Variants in BNC2 observed in about 807,000 individuals in gnomAD.
BNC2 encodes zinc finger protein basonuclin-2.
Under a neutral mutation model 76.3 loss-of-function variants are expected in BNC2, and 20 were observed. The observed-to-expected ratio is 0.26, with a 90% CI of 0.18 to 0.38. BNC2 has a LOEUF of 0.38. Among genes scored for constraint, BNC2 ranks in the 10% least tolerant of loss-of-function variants. BNC2 has a pLI of 1.00. For synonymous variants in BNC2, 582 were observed against 514.8 expected (o/e 1.13, Z -1.77); for missense variants, 1,382 against 1,399.8 (o/e 0.99, Z 0.20).
chr9:16,520,289 C>T (rs376999552), intron 5 of BNC2, among the ~76,000 whole-genome samples: 12 of 152,154 alleles, frequency 7.9e-5, no homozygotes, highest in African/African-American at 2.7e-4. Flanking sequence ...AAGGAAACAT[C>T]GAAGGTCAGT....
chr9:16,840,455 A>C (rs1216265688), intron 1 of BNC2, among the ~76,000 whole-genome samples: 2 of 152,016 alleles, frequency 1.3e-5, no homozygotes, highest in Non-Finnish European at 2.9e-5. Flanking sequence ...TCAAAAGTTC[A>C]CTCTAAAGCT....
chr9:16,783,338 TA>T (rs1826203051), intron 1 of BNC2, among the ~76,000 whole-genome samples: 1 of 152,112 alleles, frequency 6.6e-6, no homozygotes, highest in Non-Finnish European at 1.5e-5. Flanking sequence ...AACATAAACC[TA>T]AAACCTCCTC....
chr9:16,453,152 A>T (rs949822823), intron 5 of BNC2, among the ~76,000 whole-genome samples: 2 of 152,204 alleles, frequency 1.3e-5, no homozygotes, highest in Admixed American at 1.3e-4. Context: ...CCTGAAAATG[A>T]GCCAAGTAGG....
intron 1 of BNC2, among the ~76,000 whole-genome samples, chr9:16,803,453 G>T (rs1468387886): frequency 2.0e-5 from 3 of 152,224 alleles, no homozygotes; most frequent in East Asian, 3.9e-4. Flanking sequence ...AGCCTTCAAG[G>T]AGGGAAGTGA....
chr9:16,727,437 G>T, intron 3 of BNC2: 1 of 223,232 alleles, frequency 4.5e-6, no homozygotes, highest in Non-Finnish European at 8.8e-6. Context: ...TTTGGACGAA[G>T]TGATTCATAT....
chr9:16,534,593 C>T (rs1818074370), intron 5 of BNC2, among the ~76,000 whole-genome samples: 1 of 152,028 alleles, frequency 6.6e-6, no homozygotes, highest in African/African-American at 2.4e-5. Context: ...TGCTTTCTCC[C>T]CAAGTATCTC....
chr9:16,589,676 T>A (rs1819870433), intron 3 of BNC2, among the ~76,000 whole-genome samples: 1 of 151,794 alleles, frequency 6.6e-6, no homozygotes, highest in Non-Finnish European at 1.5e-5. Context: ...ACCGGGCTAA[T>A]TTTTTATATT....
At chr9:16,854,304 G>A (rs1217669853) in intron 1 of BNC2, among the ~76,000 whole-genome samples, 1 of 152,122 alleles carries the variant, frequency 6.6e-6, no homozygotes, top group African/African-American at 2.4e-5. Context: ...TAGATGGTGG[G>A]CATCACACAA....
At chr9:16,545,806 ATCTTC>A (rs1818464111) in intron 5 of BNC2, among the ~76,000 whole-genome samples, 1 of 152,186 alleles carries the variant, frequency 6.6e-6, no homozygotes, top group Non-Finnish European at 1.5e-5. Flanking sequence ...GAGAACCTTC[ATCTTC>A]TCTCAGGGTT....
At chr9:16,636,549 T>G (rs1315710717) in intron 3 of BNC2, among the ~76,000 whole-genome samples, 8 of 152,074 alleles carry the variant, frequency 5.3e-5, no homozygotes, top group Admixed American at 1.3e-4. Flanking sequence ...GCGATCCTCC[T>G]ACCTCGGCCT....
At chr9:16,802,748 G>A (rs1253668472) in intron 1 of BNC2, among the ~76,000 whole-genome samples, 2 of 152,168 alleles carry the variant, frequency 1.3e-5, no homozygotes, top group Admixed American at 1.3e-4. Context: ...GGTTCTATGT[G>A]CTCCACATGT....
rs889383248 is a variant in BNC2, at chr9:16,867,940, A to C, written c.3+2706T>G. 5 of 152,150 alleles carry C rather than the reference A, an allele frequency of 3.3e-5. No individual in the cohort carries two copies. The South Asian group carries it at 6.2e-4, about 19-fold the overall frequency. 9.4% of individuals were successfully genotyped at this position (152,150 alleles called of 1,614,324 possible). A position where few individuals can be genotyped will look rare whatever the true frequency, so the allele number is the denominator to read the frequency against. ...TTAACTGCGGCTCTCTGGGGATGTCACACACTACCTGTCCGTGGGCTTTAT... is the reference window on the plus strand; with the variant it reads ...TTAACTGCGGCTCTCTGGGGATGTCCCACACTACCTGTCCGTGGGCTTTAT... On this transcript the variant is annotated intron_variant, in intron 1 of 6. Transcript: ENST00000380672.
At chr9:16,590,667 C>T (rs887279684) in intron 3 of BNC2, among the ~76,000 whole-genome samples, 2 of 151,886 alleles carry the variant, frequency 1.3e-5, no homozygotes, top group African/African-American at 4.8e-5. Context: ...ATTCGCCGGG[C>T]GTGGTGGCAT....
chr9:16,465,560 G>T (rs977586591), intron 5 of BNC2, among the ~76,000 whole-genome samples: 1 of 151,832 alleles, frequency 6.6e-6, no homozygotes, highest in African/African-American at 2.4e-5. Context: ...CAATTATTGG[G>T]TCACAATTGT....
chr9:16,427,579 T>G (rs1339484397), intron 6 of BNC2, among the ~76,000 whole-genome samples: 1 of 152,258 alleles, frequency 6.6e-6, no homozygotes, highest in Non-Finnish European at 1.5e-5. Flanking sequence ...ACTGAATGTT[T>G]AATCAAAATT....
chr9:16,775,412 T>G (rs558754546), intron 1 of BNC2, among the ~76,000 whole-genome samples: 24 of 141,102 alleles, frequency 1.7e-4, no homozygotes, highest in African/African-American at 6.3e-4. Context: ...AAAAAAAAAC[T>G]CCCATGATTT....
In BNC2 at chr9:16,444,024, C is replaced by A. The variant is rs1821181997; in HGVS notation, c.670-6500G>T. On this transcript the variant is annotated intron_variant, in intron 5 of 6. Coordinates refer to ENST00000380672, the MANE Select transcript of BNC2 (RefSeq NM_017637.6). The stretch of plus-strand genomic sequence containing the variant: ...ATCACGCAAATTGCTTGAACTCTCA[C>A]ACACATAACTCAACATGTACAGCTT... 2.0e-5 allele frequency among the ~76,000 whole-genome samples: 3 copies of A among 152,192 alleles called. No individual in the cohort carries two copies. In the South Asian group the frequency reaches 6.2e-4, roughly 32 times the overall value.
intron 1 of BNC2, among the ~76,000 whole-genome samples, chr9:16,756,721 G>A (rs572870192): frequency 6.6e-6 from 1 of 152,186 alleles, no homozygotes; most frequent in Non-Finnish European, 1.5e-5. Flanking sequence ...TGGGCACAGG[G>A]GCTCACGCCT....
At chr9:16,513,024 A>G (rs1021197285) in intron 5 of BNC2, among the ~76,000 whole-genome samples, 6 of 152,038 alleles carry the variant, frequency 3.9e-5, no homozygotes, top group Admixed American at 1.3e-4. Flanking sequence ...AATCCCAGCT[A>G]CTTGGGAGGC....
Sources: gnomAD v4.1 joint callset for allele counts (sites outside exome capture counted in the v4.1 genomes callset) on GRCh38, gnomAD v4.1.1 for gene constraint, MANE v1.5 for transcripts, NCBI Gene and HGNC (gene_info 2026-07-23, HGNC 2026-07-21) for gene names.